PDIA4: variants seen among roughly 807,000 people sequenced by gnomAD.
PDIA4 encodes protein disulfide isomerase family A member 4.
PDIA4 carries 33 observed loss-of-function variants against 62.1 expected under a neutral mutation model. That is an observed-to-expected ratio of 0.53 (90% CI 0.40 to 0.71). The LOEUF (loss-of-function observed/expected upper bound fraction) is 0.71, where lower values mean the gene tolerates loss of function less well. Among genes scored for constraint, PDIA4 ranks in the 30% least tolerant of loss-of-function variants. The probability of loss-of-function intolerance (pLI) is 0.00; values close to 1 mark genes in which losing one functional copy is unlikely to be tolerated. For missense variants in PDIA4, 804 were observed against 813.6 expected, an observed-to-expected ratio of 0.99 and a Z score of 0.14; for synonymous variants, 341 against 324.1, an observed-to-expected ratio of 1.05 and a Z score of -0.56.
Position 149,019,075 on chromosome 7 carries a change from C to G in PDIA4, c.392G>C (p.Arg131Thr). The G allele has an allele frequency of 6.2e-7, 1 of 1,613,808 alleles. No individual in the cohort carries two copies. ...DATSASVLAS[R>T]FDVSGYPTIK... The stretch of plus-strand genomic sequence containing the variant: ...GGTGGGGTAGCCACTCACATCAAAC[C>G]TGCTGGCCAGCACAGACGCTGAGGT... The change falls in exon 3 of 10, where the codon AGG (arginine) becomes ACG (threonine). Residue 131 changes from arginine (R) to threonine (T), a missense_variant. Arg to Thr is a moderately conservative substitution (Grantham distance 71, BLOSUM62 -1). Transcript: ENST00000652332.
intron 4 of PDIA4, 98 bp from the exon 5 acceptor site, chr7:149,012,458 C>G: frequency 1.0e-6 from 1 of 993,930 alleles, no homozygotes; most frequent in South Asian, 1.4e-5. Context: ...TCCCTAGTAA[C>G]CTGGCCACAC....
At chr7:149,012,403 G>T in intron 4 of PDIA4, 43 bp from the exon 5 acceptor site, 1 of 1,531,276 alleles carries the variant, frequency 6.5e-7, no homozygotes, top group Non-Finnish European at 9.0e-7. Context: ...ATTCTAGTGT[G>T]GACTCACTTT....
Position 149,003,817 on chromosome 7 carries a change from T to C in PDIA4, c.1915A>G (p.Ser639Gly), listed in dbSNP as rs773969863. 3.8e-6 allele frequency: 6 copies of C among 1,573,028 alleles called. No individual in the cohort carries two copies. The South Asian group carries it at 6.0e-5, about 16-fold the overall frequency. The change falls in exon 10 of 10, where the codon AGC (serine) becomes GGC (glycine). Residue 639 changes from serine to glycine, a missense_variant. By Grantham distance (56) the Ser-to-Gly change is moderately conservative. Coordinates refer to ENST00000652332, the MANE Select transcript of PDIA4 (RefSeq NM_004911.5). ...CTTCAAAGCTCTTCCTTGGTCCTGC[T>C]CAGTTTTGTGGCATGTTCTTCTATA... ...KFIEEHATKL[S>G]RTKEEL
intron 3 of PDIA4, among the ~76,000 whole-genome samples, chr7:149,017,902 T>C (rs1824199230): frequency 6.6e-6 from 1 of 152,100 alleles, no homozygotes; most frequent in South Asian, 2.1e-4. Flanking sequence ...AGCAGCAATT[T>C]TGAGCATGCA....
intron 6 of PDIA4, 78 bp downstream of exon 6, chr7:149,011,768 G>C (rs1452894807): frequency 8.3e-7 from 1 of 1,211,212 alleles, no homozygotes; most frequent in East Asian, 2.4e-5. Context: ...GATGTCCCAG[G>C]AGCTTTCTGA....
At chr7:149,026,153 ATC>A in intron 1 of PDIA4, among the ~76,000 whole-genome samples, 1 of 152,290 alleles carries the variant, frequency 6.6e-6, no homozygotes, top group African/African-American at 2.4e-5. Context: ...CTTGAAATAA[ATC>A]TGTTGGACAA....
chr7:149,008,771 A>C (rs530046531), intron 6 of PDIA4, among the ~76,000 whole-genome samples: 69 of 152,244 alleles, frequency 4.5e-4, no homozygotes, highest in African/African-American at 1.3e-3. Context: ...TTGTGTGGAC[A>C]ATTCCTATAA....
At chr7:149,008,889 G>A (rs1031217336) in intron 6 of PDIA4, among the ~76,000 whole-genome samples, 3 of 152,124 alleles carry the variant, frequency 2.0e-5, no homozygotes, top group African/African-American at 7.2e-5. Context: ...CACTTTGTGA[G>A]GCTGAGGCAG....
intron 6 of PDIA4, among the ~76,000 whole-genome samples, chr7:149,009,499 T>A (rs1340099874): frequency 6.6e-6 from 1 of 152,218 alleles, no homozygotes; most frequent in Non-Finnish European, 1.5e-5. Flanking sequence ...TAAATCTCCC[T>A]TCCTCAAGTT....
intron 6 of PDIA4, among the ~76,000 whole-genome samples, chr7:149,008,628 G>A (rs1387872795): frequency 6.6e-6 from 1 of 151,942 alleles, no homozygotes; most frequent in Non-Finnish European, 1.5e-5. Context: ...GCTTGAACTG[G>A]GGAGGTGAGG....
intron 4 of PDIA4, 118 bp downstream of exon 4, chr7:149,014,786 C>T (rs1006877725): frequency 1.0e-4 from 92 of 913,298 alleles, no homozygotes; most frequent in Non-Finnish European, 1.5e-4. Flanking sequence ...CAATCCTGGC[C>T]TACAACTCGT....
intron 6 of PDIA4, among the ~76,000 whole-genome samples, chr7:149,011,481 GCTAA>G (rs1331741729): frequency 1.3e-5 from 2 of 152,212 alleles, no homozygotes; most frequent in African/African-American, 2.4e-5. Context: ...AGACCACTAG[GCTAA>G]CTGAGTCACC....
At chr7:149,025,560 T>C (rs1427794828) in intron 1 of PDIA4, among the ~76,000 whole-genome samples, 1 of 152,188 alleles carries the variant, frequency 6.6e-6, no homozygotes, top group African/African-American at 2.4e-5. Flanking sequence ...GGAGACTGTA[T>C]TACACGTTAT....
At chr7:149,009,287 G>A (rs933910480) in intron 6 of PDIA4, among the ~76,000 whole-genome samples, 2 of 152,048 alleles carry the variant, frequency 1.3e-5, no homozygotes, top group Non-Finnish European at 2.9e-5. Flanking sequence ...TTTCTATAAA[G>A]ATAAAATAAA....
Position 149,012,173 on chromosome 7 carries a change from C to T in PDIA4, c.802G>A (p.Gly268Ser), listed in dbSNP as rs1473457228. The change falls in exon 5 of 10, where the codon GGC becomes AGC. Residue 268 changes from glycine to serine, a missense_variant. Transcript: ENST00000652332. ...GCCATACCATATTTTTCTCGTGGGC[C>T]GTTGTAGTCATAAGGCCTTCCTTTG... ...FRKGRPYDYN[G>S]PREKYGIVDY... is the part of the protein sequence containing the mutation. 7.4e-6 allele frequency: 12 copies of T among 1,613,916 alleles called. No homozygotes were observed. The highest frequency in any genetic ancestry group is 1.0e-5 in the Non-Finnish European group (12 of 1,179,994).
At position 149,019,175 on chromosome 7, in the gene PDIA4, C is replaced by G. The variant is rs1164101972; in HGVS notation, c.292G>C (p.Ala98Pro). ...TTGGCAATTTTTTCATATTCCGGAG[C>G]AAACTGCTTGCAATGTCCACACCTA... is the stretch of plus-strand genomic sequence containing the variant. ...APWCGHCKQF[A>P]PEYEKIANIL... is the part of the protein sequence containing the mutation. Residue 98 changes from alanine (A) to proline (P), a missense_variant, in exon 3 of 10, where the codon GCT becomes CCT. Transcript: ENST00000652332. 6.2e-7 allele frequency: 1 copy of G among 1,613,454 alleles called. No homozygotes were observed. The highest frequency in any genetic ancestry group is 8.5e-7 in the Non-Finnish European group (1 of 1,179,596).
chr7:149,003,715 G>T lies in PDIA4; in HGVS notation c.*79C>A. 1.7e-4 allele frequency: 168 copies of T among 1,000,770 alleles called. No homozygotes were observed. Among genetic ancestry groups the T allele is most frequent in the Middle Eastern group, 2.5e-4 (1 of 4,078 alleles). The allele number at this position is 1,000,770 out of a possible 1,614,324, so 62.0% of individuals were successfully genotyped here. ...GGAATCCGAGATACTGTCGTTTGTT[G>T]CCGGCCTCGGCGTGGACGCCCCGAC... On this transcript the variant is annotated 3_prime_UTR_variant, in exon 10 of 10. Coordinates refer to ENST00000652332, the MANE Select transcript of PDIA4 (RefSeq NM_004911.5).
rs1233447548 is a variant in PDIA4 at position 149,028,348 on chromosome 7, C to T, written c.61G>A (p.Val21Met). The change falls in exon 1 of 10, where the codon GTG (valine) becomes ATG (methionine). Residue 21 changes from valine to methionine, a missense_variant. Transcript: ENST00000652332. ...TCGTCCGGGCCCTCGGCACCCGCCA[C>T]GGCCAGCAGCTGCACCAGCCCCAAG... ...LLLGLVQLLA[V>M]AGAEGPDEDS... 7 of 1,525,596 alleles carry T rather than the reference C, an allele frequency of 4.6e-6. No homozygotes were observed. The highest frequency in any genetic ancestry group is 3.5e-6 in the Non-Finnish European group (4 of 1,138,558). 94.5% of individuals were successfully genotyped at this position (1,525,596 alleles called of 1,614,324 possible). A position where few individuals can be genotyped will look rare whatever the true frequency, so the allele number is the denominator to read the frequency against.
chr7:149,026,528 G>A (rs1426857288), intron 1 of PDIA4, among the ~76,000 whole-genome samples: 1 of 152,086 alleles, frequency 6.6e-6, no homozygotes, highest in East Asian at 1.9e-4. Flanking sequence ...GCACGTGCCT[G>A]TGGTCCCAGC....
Sources: allele counts gnomAD v4.1 joint callset (sites outside exome capture counted in the v4.1 genomes callset), GRCh38; gene constraint gnomAD v4.1.1; transcripts MANE v1.5; gene names NCBI Gene and HGNC (gene_info 2026-07-23, HGNC 2026-07-21).